HIBADH: variants seen among roughly 807,000 people sequenced by gnomAD.
The protein encoded by HIBADH is 3-hydroxyisobutyrate dehydrogenase, also known as 3-hydroxyisobutyrate dehydrogenase, mitochondrial.
HIBADH carries 25 observed loss-of-function variants against 36.1 expected under a neutral mutation model. That is an observed-to-expected ratio of 0.69 (90% CI 0.50 to 0.97). The LOEUF (loss-of-function observed/expected upper bound fraction) is 0.97, where lower values mean the gene tolerates loss of function less well. HIBADH is among the 50% of genes least tolerant of loss of function. The pLI is 0.00. For synonymous variants in HIBADH, 160 were observed against 149.5 expected, an observed-to-expected ratio of 1.07 and a Z score of -0.51; for missense variants, 421 against 418.0, an observed-to-expected ratio of 1.01 and a Z score of -0.06.
intron 4 of HIBADH, among the ~76,000 whole-genome samples, chr7:27,617,741 T>A (rs1272073651): frequency 6.6e-6 from 1 of 152,184 alleles, no homozygotes; most frequent in South Asian, 2.1e-4. Context: ...TGTTGCGATA[T>A]GAACCACAAG....
chr7:27,546,933 T>C (rs1784242962), intron 4 of HIBADH, among the ~76,000 whole-genome samples: 1 of 152,182 alleles, frequency 6.6e-6, no homozygotes, highest in Non-Finnish European at 1.5e-5. Context: ...TCTTCTCCTC[T>C]TGTCTCTGTA....
At chr7:27,604,550 A>G (rs1428940063) in intron 4 of HIBADH, among the ~76,000 whole-genome samples, 2 of 152,154 alleles carry the variant, frequency 1.3e-5, no homozygotes, top group African/African-American at 4.8e-5. Flanking sequence ...GGCATAATCT[A>G]TAAAGAGAAA....
intron 7 of HIBADH, 129 bp from the exon 8 acceptor site, chr7:27,526,501 A>G (rs908552934): frequency 1.3e-5 from 8 of 613,540 alleles, no homozygotes; most frequent in Admixed American, 1.3e-4. Flanking sequence ...TATAAATACT[A>G]TGGTAAGTTA....
chr7:27,582,839 A>T (rs1784812529), intron 4 of HIBADH, among the ~76,000 whole-genome samples: 1 of 152,132 alleles, frequency 6.6e-6, no homozygotes, highest in African/African-American at 2.4e-5. Flanking sequence ...TGTCTGAATT[A>T]GCTCTACCTC....
chr7:27,584,606 A>G (rs1437992694), intron 4 of HIBADH, among the ~76,000 whole-genome samples: 3 of 152,098 alleles, frequency 2.0e-5, no homozygotes, highest in Admixed American at 6.5e-5. Flanking sequence ...TGCAGATAGT[A>G]TAGCTGGCAA....
At chr7:27,588,008 A>C (rs1466872968) in intron 4 of HIBADH, among the ~76,000 whole-genome samples, 1 of 152,244 alleles carries the variant, frequency 6.6e-6, no homozygotes, top group Non-Finnish European at 1.5e-5. Flanking sequence ...TACAAATACC[A>C]ACAGAAATTT....
chr7:27,638,090 G>A (rs970818425), intron 2 of HIBADH, among the ~76,000 whole-genome samples: 12 of 151,666 alleles, frequency 7.9e-5, no homozygotes, highest in African/African-American at 2.7e-4. Flanking sequence ...AAATTTATAT[G>A]GAACCAAAAA....
chr7:27,577,920 G>T (rs966816045), intron 4 of HIBADH, among the ~76,000 whole-genome samples: 2 of 152,138 alleles, frequency 1.3e-5, no homozygotes, highest in Non-Finnish European at 2.9e-5. Flanking sequence ...TGCAACAACT[G>T]AATCACCATT....
intron 2 of HIBADH, among the ~76,000 whole-genome samples, chr7:27,642,894 G>A (rs370271080): frequency 6.6e-6 from 1 of 152,084 alleles, no homozygotes; most frequent in South Asian, 2.1e-4. Flanking sequence ...CTCGTGATCC[G>A]CCCACCTCGG....
intron 2 of HIBADH, among the ~76,000 whole-genome samples, chr7:27,646,534 GGTTT>G (rs1786074741): frequency 6.6e-6 from 1 of 151,542 alleles, no homozygotes; most frequent in African/African-American, 2.4e-5. Context: ...TATGTTTTCT[GGTTT>G]GTTTTTTTTT....
intron 4 of HIBADH, among the ~76,000 whole-genome samples, chr7:27,595,579 GGTGTGTGTGTGTGT>G (rs3219776): frequency 2.1e-3 from 295 of 143,432 alleles, no homozygotes; most frequent in African/African-American, 2.9e-3. Flanking sequence ...CATAAGGGCA[GGTGTGTGTGTGTGT>G]GTGTGTGTGT....
At chr7:27,647,657 C>G (rs544975618) in intron 2 of HIBADH, 5 of 352,742 alleles carry the variant, frequency 1.4e-5, no homozygotes, top group Non-Finnish European at 3.0e-5. Flanking sequence ...TTAAGGCAGC[C>G]TTCCTTCATA....
intron 2 of HIBADH, 179 bp downstream of exon 2, chr7:27,649,294 C>G (rs57096912): frequency 2.1e-4 from 102 of 479,802 alleles, no homozygotes; most frequent in Non-Finnish European, 2.3e-4. Flanking sequence ...GAATGTCTAA[C>G]GAGAACTCTC....
intron 4 of HIBADH, among the ~76,000 whole-genome samples, chr7:27,551,589 A>C (rs1784320711): frequency 1.2e-5 from 1 of 84,432 alleles, no homozygotes; most frequent in Non-Finnish European, 2.1e-5. Context: ...ACCATGATGC[A>C]GGTGCTGATA....
chr7:27,603,763 T>C (rs1785172348), intron 4 of HIBADH, among the ~76,000 whole-genome samples: 1 of 152,156 alleles, frequency 6.6e-6, no homozygotes, highest in African/African-American at 2.4e-5. Context: ...AAGTTAAACA[T>C]ATTCCACTGT....
chr7:27,595,082 G>A (rs967655632), intron 4 of HIBADH, among the ~76,000 whole-genome samples: 17 of 152,098 alleles, frequency 1.1e-4, no homozygotes, highest in African/African-American at 4.1e-4. Context: ...AGCCATAAAG[G>A]AGAAGACTGA....
chr7:27,597,307 ATAG>A (rs545395800), intron 4 of HIBADH, among the ~76,000 whole-genome samples: 237 of 152,298 alleles, frequency 1.6e-3, no homozygotes, highest in African/African-American at 5.4e-3. Context: ...TGCCTACCAG[ATAG>A]TAGGGACTAA....
rs370742965 is a variant in HIBADH at position 27,543,081 on chromosome 7, A to G, written c.504T>C (p.Ser168=). 5.6e-6 allele frequency: 9 copies of G among 1,613,666 alleles called. No homozygotes were observed. The highest frequency in any genetic ancestry group is 7.6e-6 in the Non-Finnish European group (9 of 1,179,842). The change falls in exon 5 of 8, where the codon TCT becomes TCC. Residue 168 remains serine, a synonymous_variant. Coordinates refer to ENST00000265395, the MANE Select transcript of HIBADH (RefSeq NM_152740.4). The part of the protein sequence containing the change: ...PVSGGVGAAR[S]GNLTFMVGGV... The stretch of plus-strand genomic sequence containing the variant: ...CTCCCACCATAAACGTGAGGTTCCC[A>G]GATCGTGCAGCTCCTACACCTGAAT...
chr7:27,604,844 CA>C (rs1785191569), intron 4 of HIBADH, among the ~76,000 whole-genome samples: 1 of 151,994 alleles, frequency 6.6e-6, no homozygotes. Context: ...GTGGGAACAT[CA>C]AGGTGGGAGG....
Sources: allele counts gnomAD v4.1 joint callset (sites outside exome capture counted in the v4.1 genomes callset), GRCh38; gene constraint gnomAD v4.1.1; transcripts MANE v1.5; gene names NCBI Gene and HGNC (gene_info 2026-07-23, HGNC 2026-07-21).